Variants in SMC5 observed in about 807,000 individuals in gnomAD.
SMC5 encodes structural maintenance of chromosomes 5.
Under a neutral mutation model 148.3 loss-of-function variants are expected in SMC5, and 88 were observed. That is an observed-to-expected ratio of 0.59 (90% CI 0.50 to 0.71). The LOEUF is 0.71. SMC5 is among the 30% of genes least tolerant of loss of function. SMC5 has a pLI of 0.00. For missense variants in SMC5, 1,142 were observed against 1,298.9 expected, an observed-to-expected ratio of 0.88 and a Z score of 1.86; for synonymous variants, 421 against 432.8, an observed-to-expected ratio of 0.97 and a Z score of 0.34.
At chr9:70,302,023 C>G (rs1283737928) in intron 10 of SMC5, among the ~76,000 whole-genome samples, 1 of 152,134 alleles carries the variant, frequency 6.6e-6, no homozygotes, top group Non-Finnish European at 1.5e-5. Flanking sequence ...CCTGAACTCA[C>G]AAACAGAGGG....
intron 15 of SMC5, among the ~76,000 whole-genome samples, chr9:70,319,584 C>T (rs551530902): frequency 6.6e-6 from 1 of 152,170 alleles, no homozygotes; most frequent in African/African-American, 2.4e-5. Flanking sequence ...TTAGACTTTT[C>T]AGGTAATTGT....
chr9:70,314,901 A>G (rs186994321), intron 12 of SMC5, 65 bp downstream of exon 12: 2 of 1,037,786 alleles, frequency 1.9e-6, no homozygotes, highest in Admixed American at 2.4e-5. Flanking sequence ...TGTTACATAA[A>G]TAAGCTATTA....
In SMC5 at chr9:70,318,725, A is replaced by G. The variant is rs763290523; in HGVS notation, c.1980+38A>G. 6 of 1,561,864 alleles carry G rather than the reference A, an allele frequency of 3.8e-6. No homozygotes were observed. The African/African-American group carries it at 8.3e-5, about 22-fold the overall frequency. Reference sequence around the variant, plus strand: ...GATCTGAATGTTAGAAAAGAATATTAACTGGATTTCTAATAGTTTCACTGG... The same window carrying G: ...GATCTGAATGTTAGAAAAGAATATTGACTGGATTTCTAATAGTTTCACTGG... On this transcript the variant is annotated intron_variant, in intron 14 of 24. Coordinates refer to ENST00000361138, the MANE Select transcript of SMC5 (RefSeq NM_015110.4).
intron 17 of SMC5, among the ~76,000 whole-genome samples, chr9:70,326,270 C>G (rs900887362): frequency 6.6e-6 from 1 of 152,106 alleles, no homozygotes; most frequent in Non-Finnish European, 1.5e-5. Context: ...TAAAATTGGA[C>G]TGTGGTGATG....
chr9:70,305,148 C>T, intron 10 of SMC5, 99 bp from the exon 11 acceptor site: 3 of 563,978 alleles, frequency 5.3e-6, no homozygotes, highest in East Asian at 3.0e-5. Flanking sequence ...TGTTTTTTCT[C>T]AAGTATTACA....
At chr9:70,311,743 G>A (rs747694579) in intron 11 of SMC5, 8 of 151,774 alleles carry the variant, frequency 5.3e-5, no homozygotes, top group Non-Finnish European at 1.2e-4. Context: ...ATCTTTGAAG[G>A]TCAGTAAAGC....
At chr9:70,304,375 C>G (rs1366642769) in intron 10 of SMC5, among the ~76,000 whole-genome samples, 1 of 152,028 alleles carries the variant, frequency 6.6e-6, no homozygotes, top group African/African-American at 2.4e-5. Context: ...CCACGCCTGG[C>G]CCAGTTAATG....
At chr9:70,351,215 G>A (rs1023959650) in intron 24 of SMC5, among the ~76,000 whole-genome samples, 21 of 152,136 alleles carry the variant, frequency 1.4e-4, no homozygotes, top group Admixed American at 1.3e-3. Context: ...TTAGCTGGAC[G>A]TGGCAGCATG....
chr9:70,324,412 T>A (rs772687335), intron 17 of SMC5, among the ~76,000 whole-genome samples: 6 of 152,126 alleles, frequency 3.9e-5, no homozygotes, highest in Non-Finnish European at 7.4e-5. Context: ...ATATACCATA[T>A]TAACTTAAAA....
chr9:70,315,454 G>A lies in SMC5; in HGVS notation c.1682G>A (p.Gly561Glu), dbSNP rs1205432693. ...AATACTTTTCCTTTCAGACAATACG[G>A]ATTTTTCTCTTATTTGAGAGAATTA... is the stretch of plus-strand genomic sequence containing the variant. ...SRSLNELKQY[G>E]FFSYLRELFD... The change falls in exon 13 of 25, where the codon GGA becomes GAA. Residue 561 changes from glycine to glutamate, a missense_variant. By Grantham distance (98) the Gly-to-Glu change is moderately conservative (BLOSUM62 -2). Transcript: ENST00000361138. 6.3e-7 allele frequency: 1 copy of A among 1,581,640 alleles called. No individual in the cohort carries two copies. The highest frequency in any genetic ancestry group is 8.6e-7 in the Non-Finnish European group (1 of 1,162,542).
At chr9:70,267,507 A>G (rs552096644) in intron 2 of SMC5, among the ~76,000 whole-genome samples, 1 of 152,304 alleles carries the variant, frequency 6.6e-6, no homozygotes, top group South Asian at 2.1e-4. Context: ...CTTCAATGGT[A>G]ATAAGAAGCT....
chr9:70,295,778 C>G (rs2035185879), intron 8 of SMC5, among the ~76,000 whole-genome samples: 1 of 152,056 alleles, frequency 6.6e-6, no homozygotes, highest in South Asian at 2.1e-4. Context: ...ATATGGTAGG[C>G]CAGTGATTTT....
chr9:70,262,959 C>CA (rs34606031), intron 1 of SMC5, among the ~76,000 whole-genome samples: 10,692 of 141,244 alleles, frequency 0.076, 560 homozygotes, highest in East Asian at 0.23. Flanking sequence ...CTACCCCCGC[C>CA]AAAAAAAAAA....
intron 13 of SMC5, among the ~76,000 whole-genome samples, chr9:70,318,203 A>T (rs1239191295): frequency 6.6e-6 from 1 of 152,180 alleles, no homozygotes; most frequent in African/African-American, 2.4e-5. Context: ...CATAGGAAGC[A>T]TGGAAAAACT....
At chr9:70,307,373 A>G (rs758083670) in intron 11 of SMC5, among the ~76,000 whole-genome samples, 4 of 152,202 alleles carry the variant, frequency 2.6e-5, no homozygotes, top group Non-Finnish European at 1.5e-5. Flanking sequence ...TAATGATTCT[A>G]GCTCTGTCAT....
intron 17 of SMC5, among the ~76,000 whole-genome samples, chr9:70,341,667 G>A (rs1037162155): frequency 1.3e-5 from 2 of 152,180 alleles, no homozygotes; most frequent in African/African-American, 4.8e-5. Flanking sequence ...GTGCATAAAA[G>A]TCACCTGAGG....
At chr9:70,296,786 T>C (rs970523251) in intron 8 of SMC5, among the ~76,000 whole-genome samples, 5 of 152,184 alleles carry the variant, frequency 3.3e-5, no homozygotes, top group African/African-American at 1.2e-4. Flanking sequence ...TAAGTGTATA[T>C]TTGTTTATAT....
intron 11 of SMC5, among the ~76,000 whole-genome samples, chr9:70,306,086 A>G (rs1410574929): frequency 6.6e-6 from 1 of 152,230 alleles, no homozygotes; most frequent in East Asian, 1.9e-4. Flanking sequence ...TATAACCTAC[A>G]TAATATGTAG....
chr9:70,298,226 G>A lies in SMC5; in HGVS notation c.1309+5G>A. ...CTCTAGAGAAGGAGAAAAAGAGTAA[G>A]TTTCATAAAGTTAGAATGAAATGTT... On this transcript the variant is annotated splice_donor_5th_base_variant and intron_variant, in intron 9 of 24. Transcript: ENST00000361138. The A allele has an allele frequency of 6.2e-7, 1 of 1,604,594 alleles. No homozygotes were observed.
Sources: gnomAD v4.1 joint callset for allele counts (sites outside exome capture counted in the v4.1 genomes callset) on GRCh38, gnomAD v4.1.1 for gene constraint, MANE v1.5 for transcripts, NCBI Gene and HGNC (gene_info 2026-07-23, HGNC 2026-07-21) for gene names.